RALGAPA2: variants seen among roughly 807,000 people sequenced by gnomAD.
The protein encoded by RALGAPA2 is Ral GTPase activating protein catalytic subunit alpha 2.
In RALGAPA2, 139 loss-of-function variants were observed where a neutral mutation model predicts 230.4. The ratio of observed to expected loss-of-function variants is 0.60; its 90% CI spans 0.53 to 0.69. RALGAPA2 has a LOEUF of 0.69. Among genes scored for constraint, RALGAPA2 ranks in the 30% least tolerant of loss-of-function variants. RALGAPA2 has a pLI of 0.00. For missense variants in RALGAPA2, 2,163 were observed against 2,276.0 expected (o/e 0.95, Z 1.01); for synonymous variants, 847 against 837.8 (o/e 1.01, Z -0.19).
At chr20:20,502,355 G>GA (rs1040210663) in intron 35 of RALGAPA2, among the ~76,000 whole-genome samples, 6 of 152,108 alleles carry the variant, frequency 3.9e-5, no homozygotes, top group African/African-American at 7.2e-5. Context: ...GGGGCAGGGG[G>GA]AAAAAAAGAA....
At chr20:20,694,965 GA>G (rs2069055098) in intron 1 of RALGAPA2, among the ~76,000 whole-genome samples, 1 of 152,158 alleles carries the variant, frequency 6.6e-6, no homozygotes, top group African/African-American at 2.4e-5. Context: ...TGTAGAACCA[GA>G]AAAAGCTATA....
At chr20:20,410,493 A>C (rs1275821373) in intron 38 of RALGAPA2, among the ~76,000 whole-genome samples, 5 of 152,236 alleles carry the variant, frequency 3.3e-5, no homozygotes, top group Admixed American at 1.3e-4. Flanking sequence ...AGAGGGGAAT[A>C]ATCTCATGAG....
At chr20:20,565,726 G>C (rs2064397297) in intron 23 of RALGAPA2, among the ~76,000 whole-genome samples, 1 of 152,092 alleles carries the variant, frequency 6.6e-6, no homozygotes, top group African/African-American at 2.4e-5. Context: ...AAATATTATT[G>C]CCTACAAAAT....
chr20:20,392,256 A>C lies in RALGAPA2; in HGVS notation c.*1033T>G, dbSNP rs1466161285. 2.0e-5 allele frequency: 3 copies of C among 152,262 alleles called. No individual in the cohort carries two copies. The highest frequency in any genetic ancestry group is 7.2e-5 in the African/African-American group (3 of 41,474). The allele number at this position is 152,262 out of a possible 1,614,324, so 9.4% of individuals were successfully genotyped here. Reference sequence around the variant, plus strand: ...CTTGGAGCCAAATGGGCAAAAATGTAAGGATTAAATCCCTCGCTTGGAATC... The same window carrying C: ...CTTGGAGCCAAATGGGCAAAAATGTCAGGATTAAATCCCTCGCTTGGAATC... On this transcript the variant is annotated 3_prime_UTR_variant, in exon 40 of 40. Transcript: ENST00000202677.
intron 23 of RALGAPA2, among the ~76,000 whole-genome samples, chr20:20,562,295 T>A (rs1212626655): frequency 2.0e-5 from 3 of 152,138 alleles, no homozygotes; most frequent in South Asian, 2.1e-4. Flanking sequence ...ATTCCGGTGA[T>A]CTGGGCTCTG....
In RALGAPA2 at chr20:20,629,395, A is replaced by G. The variant is rs1411325788; in HGVS notation, c.1201T>C (p.Tyr401His). 1.2e-6 allele frequency: 2 copies of G among 1,610,868 alleles called. No individual in the cohort carries two copies. Among genetic ancestry groups the G allele is most frequent in the Non-Finnish European group, 1.7e-6 (2 of 1,178,508 alleles). Residue 401 changes from tyrosine (Y) to histidine (H), a missense_variant, in exon 10 of 40, where the codon TAT becomes CAT. Transcript: ENST00000202677. ...AATACTTCATTCACGAAGTTGACATAACCTCGTGTTGACAAGAGAATCCGC... is the reference window on the plus strand; with the variant it reads ...AATACTTCATTCACGAAGTTGACATGACCTCGTGTTGACAAGAGAATCCGC... ...VQRILLSTRGYVNFVNEVFHQ... is the reference protein window; with the variant it reads ...VQRILLSTRGHVNFVNEVFHQ...
chr20:20,413,612 G>A (rs1370123353), intron 37 of RALGAPA2, among the ~76,000 whole-genome samples: 1 of 152,162 alleles, frequency 6.6e-6, no homozygotes, highest in Non-Finnish European at 1.5e-5. Context: ...CACGTGGCTA[G>A]GGGTTCTATA....
intron 1 of RALGAPA2, among the ~76,000 whole-genome samples, chr20:20,710,205 A>T (rs1291228775): frequency 6.6e-6 from 1 of 152,186 alleles, no homozygotes; most frequent in Non-Finnish European, 1.5e-5. Context: ...TATGAAAAGC[A>T]AAAGTGTTAT....
At position 20,434,992 on chromosome 20, in the gene RALGAPA2, A is replaced by G. The variant is rs778863548; in HGVS notation, c.5496-22844T>C. On this transcript the variant is annotated intron_variant, in intron 37 of 39. Transcript: ENST00000202677. ...AAGTGAACTTATGAAAAACAAATCT[A>G]CAAGTTATTCTCCTGTGTCCTACCC... 2.9e-4 allele frequency among the ~76,000 whole-genome samples: 44 copies of G among 152,352 alleles called. No individual in the cohort carries two copies. In the Middle Eastern group the frequency reaches 0.01, roughly 35 times the overall value.
At chr20:20,651,531 G>A (rs1211225869) in intron 4 of RALGAPA2, among the ~76,000 whole-genome samples, 3 of 152,080 alleles carry the variant, frequency 2.0e-5, no homozygotes, top group Non-Finnish European at 4.4e-5. Flanking sequence ...GAGGCCTCCA[G>A]TCATTGTTCT....
At chr20:20,449,981 TC>T (rs1432246581) in intron 37 of RALGAPA2, among the ~76,000 whole-genome samples, 1 of 152,248 alleles carries the variant, frequency 6.6e-6, no homozygotes, top group Non-Finnish European at 1.5e-5. Flanking sequence ...CTGTGGATTC[TC>T]TGTATGCCTT....
In RALGAPA2 at chr20:20,398,975, G is replaced by A. The variant is rs2059774511; in HGVS notation, c.5618-2241C>T. On this transcript the variant is annotated intron_variant, in intron 38 of 39. Transcript: ENST00000202677. The surrounding 1 kb of genome is among the most constrained non-coding windows in gnomAD (Gnocchi z 4.5). ...AAGTAAACAGATACACAGTGTTTCT[G>A]TGGTGTTTCAGGGGAGGGGACAAAT... Among the ~76,000 whole-genome samples the A allele has an allele frequency of 6.6e-6, 1 of 152,196 alleles. No individual in the cohort carries two copies. The highest frequency in any genetic ancestry group is 2.4e-5 in the African/African-American group (1 of 41,440).
chr20:20,535,739 A>G lies in RALGAPA2; in HGVS notation c.3473+6T>C. The G allele has an allele frequency of 6.5e-7, 1 of 1,547,828 alleles. No homozygotes were observed. The highest frequency in any genetic ancestry group is 8.7e-7 in the Non-Finnish European group (1 of 1,145,436). ...TAAAATAGTTTACCTCTTATTCAAC[A>G]TTTACCTTGCATATTCATTTGGTTC... On this transcript the variant is annotated splice_donor_region_variant and intron_variant, in intron 26 of 39. Coordinates refer to ENST00000202677, the MANE Select transcript of RALGAPA2 (RefSeq NM_020343.4).
At chr20:20,502,700 T>A (rs190536734) in intron 35 of RALGAPA2, among the ~76,000 whole-genome samples, 21 of 152,246 alleles carry the variant, frequency 1.4e-4, no homozygotes, top group Admixed American at 7.2e-4. Flanking sequence ...GGATTCTAGG[T>A]TCCCCACCTG....
At chr20:20,679,693 C>T (rs184434809) in intron 2 of RALGAPA2, among the ~76,000 whole-genome samples, 3 of 152,278 alleles carry the variant, frequency 2.0e-5, no homozygotes, top group African/African-American at 7.2e-5. Context: ...GCAGCAGTGC[C>T]GCTCTCTTCC....
chr20:20,604,615 G>T (rs1217045091), intron 15 of RALGAPA2, among the ~76,000 whole-genome samples: 1 of 152,054 alleles, frequency 6.6e-6, no homozygotes, highest in African/African-American at 2.4e-5. Flanking sequence ...ATGAAGCCAA[G>T]AATGGCTTTG....
Position 20,616,077 on chromosome 20 carries a change from T to G in RALGAPA2, c.1654A>C (p.Met552Leu). The part of the protein sequence containing the change: ...CKAVLIIFRR[M>L]IMELTMNKKT... Reference sequence around the variant, plus strand: ...TTATTCATTGTAAGCTCCATTATCATGCGCCTAAAAATAATCAAAACAGCT... The same window carrying G: ...TTATTCATTGTAAGCTCCATTATCAGGCGCCTAAAAATAATCAAAACAGCT... The change falls in exon 13 of 40, where the codon ATG (methionine) becomes CTG (leucine). Residue 552 changes from methionine to leucine, a missense_variant. By Grantham distance (15) the Met-to-Leu change is conservative. Coordinates refer to ENST00000202677, the MANE Select transcript of RALGAPA2 (RefSeq NM_020343.4). The G allele has an allele frequency of 6.5e-7, 1 of 1,549,404 alleles. No individual in the cohort carries two copies. The highest frequency in any genetic ancestry group is 8.7e-7 in the Non-Finnish European group (1 of 1,146,990).
chr20:20,614,097 G>A (rs879181386), intron 13 of RALGAPA2, among the ~76,000 whole-genome samples: 1 of 152,182 alleles, frequency 6.6e-6, no homozygotes, highest in Admixed American at 6.5e-5. Context: ...GGAGAAGAAG[G>A]AGTGAAGAAG....
At chr20:20,698,729 T>C (rs1390707882) in intron 1 of RALGAPA2, among the ~76,000 whole-genome samples, 1 of 152,200 alleles carries the variant, frequency 6.6e-6, no homozygotes, top group East Asian at 1.9e-4. Context: ...TTATGTGAAT[T>C]TCACATCAAT....
Sources: gnomAD v4.1 joint callset for allele counts (sites outside exome capture counted in the v4.1 genomes callset) on GRCh38, gnomAD v4.1.1 for gene constraint, Gnocchi (gnomAD v3.1) non-coding constraint, MANE v1.5 for transcripts, NCBI Gene and HGNC (gene_info 2026-07-23, HGNC 2026-07-21) for gene names.